Variants in GRID1 observed in about 807,000 individuals in gnomAD.
GRID1 encodes glutamate ionotropic receptor delta type subunit 1.
In GRID1, 28 loss-of-function variants were observed where a neutral mutation model predicts 98.0. The observed-to-expected ratio is 0.29, with a 90% confidence interval of 0.21 to 0.39. GRID1 has a LOEUF of 0.39. Ranked by LOEUF, GRID1 falls within the 10% of genes least tolerant of loss-of-function variation. The pLI is 1.00. For synonymous variants in GRID1, 553 were observed against 538.5 expected, an observed-to-expected ratio of 1.03 and a Z score of -0.37; for missense variants, 1,111 against 1,340.5, an observed-to-expected ratio of 0.83 and a Z score of 2.67.
At chr10:86,095,700 AT>A (rs971655462) in intron 4 of GRID1, among the ~76,000 whole-genome samples, 4 of 151,882 alleles carry the variant, frequency 2.6e-5, no homozygotes, top group African/African-American at 9.7e-5. Context: ...ATAAAAAAAA[AT>A]TTTTTTAAAA....
intron 12 of GRID1, among the ~76,000 whole-genome samples, chr10:85,711,982 TATA>T (rs1299587480): frequency 2.0e-5 from 3 of 151,426 alleles, no homozygotes; most frequent in Non-Finnish European, 3.0e-5. Context: ...CTACTAAGAA[TATA>T]ATAATAATAA....
At chr10:85,853,359 G>A (rs1392222460) in intron 8 of GRID1, among the ~76,000 whole-genome samples, 1 of 152,216 alleles carries the variant, frequency 6.6e-6, no homozygotes, top group African/African-American at 2.4e-5. Flanking sequence ...AGCCCCTGCT[G>A]AGAGCTTATT....
intron 2 of GRID1, among the ~76,000 whole-genome samples, chr10:86,208,458 T>G (rs936825630): frequency 5.3e-5 from 8 of 151,728 alleles, no homozygotes; most frequent in Non-Finnish European, 1.2e-4. Context: ...GAAAGGGTGG[T>G]CTTGCAAGCT....
chr10:85,701,944 T>C (rs986473241), intron 12 of GRID1, among the ~76,000 whole-genome samples: 1 of 152,084 alleles, frequency 6.6e-6, no homozygotes, highest in African/African-American at 2.4e-5. Context: ...AAACACCACC[T>C]GTTCCCCAAC....
chr10:85,760,330 T>C (rs887125435), intron 8 of GRID1, among the ~76,000 whole-genome samples: 1 of 152,222 alleles, frequency 6.6e-6, no homozygotes, highest in African/African-American at 2.4e-5. Flanking sequence ...TTATTATTAT[T>C]GTCATTGGCC....
intron 4 of GRID1, among the ~76,000 whole-genome samples, chr10:85,988,785 C>T (rs994900374): frequency 1.3e-5 from 2 of 152,180 alleles, no homozygotes; most frequent in African/African-American, 4.8e-5. Flanking sequence ...GTTTATACAA[C>T]TTGGGAGGAT....
At chr10:86,068,769 T>C (rs187156005) in intron 4 of GRID1, among the ~76,000 whole-genome samples, 17 of 152,310 alleles carry the variant, frequency 1.1e-4, no homozygotes, top group Admixed American at 1.0e-3. Context: ...AGAAGGCAGA[T>C]AGCCTCACTC....
At chr10:86,001,389 C>G (rs772770130) in intron 4 of GRID1, among the ~76,000 whole-genome samples, 6 of 152,118 alleles carry the variant, frequency 3.9e-5, no homozygotes, top group Non-Finnish European at 7.4e-5. Context: ...CTCAGTCTCT[C>G]AGAAGATACA....
At chr10:85,884,761 G>A (rs1035852373) in intron 5 of GRID1, among the ~76,000 whole-genome samples, 2 of 152,090 alleles carry the variant, frequency 1.3e-5, no homozygotes, top group South Asian at 4.1e-4. Context: ...TTTAGAACTA[G>A]GTAAAATTTA....
At chr10:86,214,895 A>G (rs923229552) in intron 2 of GRID1, among the ~76,000 whole-genome samples, 2 of 152,012 alleles carry the variant, frequency 1.3e-5, no homozygotes, top group Non-Finnish European at 2.9e-5. Flanking sequence ...CCTCCTAACA[A>G]CTCTGGAAAA....
intron 2 of GRID1, among the ~76,000 whole-genome samples, chr10:86,354,355 G>C (rs2132118984): frequency 6.6e-6 from 1 of 152,356 alleles, no homozygotes. Flanking sequence ...GGTCCCAGGA[G>C]GATGGAAAAC....
At chr10:86,078,509 ATC>A (rs1272846756) in intron 4 of GRID1, among the ~76,000 whole-genome samples, 3 of 152,144 alleles carry the variant, frequency 2.0e-5, no homozygotes, top group African/African-American at 7.2e-5. Context: ...TCACACTCTC[ATC>A]TCTCTGTCAC....
chr10:86,235,092 C>T (rs1564714582), intron 2 of GRID1, among the ~76,000 whole-genome samples: 1 of 152,260 alleles, frequency 6.6e-6, no homozygotes, highest in Non-Finnish European at 1.5e-5. Context: ...CGGGCCAGAG[C>T]CTGGCCAGCT....
At chr10:86,362,382 T>C (rs1484994214) in intron 2 of GRID1, among the ~76,000 whole-genome samples, 1 of 152,082 alleles carries the variant, frequency 6.6e-6, no homozygotes, top group Admixed American at 6.5e-5. Flanking sequence ...TGTCTGGAGA[T>C]AGAGACTGCT....
At chr10:86,311,548 A>G (rs1172282722) in intron 2 of GRID1, among the ~76,000 whole-genome samples, 1 of 152,166 alleles carries the variant, frequency 6.6e-6, no homozygotes, top group Non-Finnish European at 1.5e-5. Context: ...CACTTGTATG[A>G]TAAATGCCTA....
intron 4 of GRID1, among the ~76,000 whole-genome samples, chr10:86,062,299 TA>T (rs1843660741): frequency 6.6e-6 from 1 of 151,810 alleles, no homozygotes; most frequent in Admixed American, 6.6e-5. Context: ...CACGCACACT[TA>T]AGATGAGGGT....
chr10:86,082,596 C>A (rs1398433242), intron 4 of GRID1, among the ~76,000 whole-genome samples: 2 of 152,220 alleles, frequency 1.3e-5, no homozygotes, highest in African/African-American at 2.4e-5. Context: ...ACTCATCCAA[C>A]AGGGCCACTG....
At position 86,365,941 on chromosome 10, in the gene GRID1, C is replaced by G. The variant is rs1174399211; in HGVS notation, c.79+373G>C. On this transcript the variant is annotated intron_variant, in intron 1 of 15. Coordinates refer to ENST00000327946, the MANE Select transcript of GRID1 (RefSeq NM_017551.3). This position sits in a 1 kb window ranked among gnomAD's most constrained non-coding sequence, Gnocchi z 4.8. ...TTGCCCTGCCAACTTGGCGAGCCCC[C>G]CGCTGTACCTCCCCCTGCCCCCCGC... Among the ~76,000 whole-genome samples the G allele has an allele frequency of 1.3e-5, 2 of 152,152 alleles. No homozygotes were observed. The highest frequency in any genetic ancestry group is 2.9e-5 in the Non-Finnish European group (2 of 67,998).
At chr10:86,088,317 A>C (rs1288501467) in intron 4 of GRID1, among the ~76,000 whole-genome samples, 1 of 152,254 alleles carries the variant, frequency 6.6e-6, no homozygotes, top group Admixed American at 6.5e-5. Flanking sequence ...GGATAGAGAG[A>C]GAGAGAGAGA....
Sources: allele counts gnomAD v4.1 joint callset (sites outside exome capture counted in the v4.1 genomes callset), GRCh38; gene constraint gnomAD v4.1.1; non-coding constraint Gnocchi (gnomAD v3.1); transcripts MANE v1.5; gene names NCBI Gene and HGNC (gene_info 2026-07-23, HGNC 2026-07-21).